Variants in ZBTB7C observed in about 807,000 individuals in gnomAD.
ZBTB7C encodes zinc finger and BTB domain-containing protein 7C.
ZBTB7C carries 8 observed loss-of-function variants against 25.7 expected under a neutral mutation model. The observed-to-expected ratio is 0.31, with a 90% CI of 0.18 to 0.56. ZBTB7C has a LOEUF of 0.56. Among genes scored for constraint, ZBTB7C ranks in the 20% least tolerant of loss-of-function variants. ZBTB7C has a pLI of 0.91. For missense variants in ZBTB7C, 824 were observed against 855.2 expected, an observed-to-expected ratio of 0.96 and a Z score of 0.46; for synonymous variants, 394 against 369.0, an observed-to-expected ratio of 1.07 and a Z score of -0.78.
At chr18:48,361,019 G>C (rs2047093211) in intron 1 of ZBTB7C, among the ~76,000 whole-genome samples, 1 of 152,096 alleles carries the variant, frequency 6.6e-6, no homozygotes, top group African/African-American at 2.4e-5. Context: ...CCAGTGGAGG[G>C]AGATGGAATT....
intron 3 of ZBTB7C, among the ~76,000 whole-genome samples, chr18:48,065,183 G>C (rs955833738): frequency 6.8e-6 from 1 of 147,702 alleles, no homozygotes; most frequent in African/African-American, 2.5e-5. Context: ...GCTGGACCCC[G>C]CTGCCAGGAC....
rs1236613496 is a variant in ZBTB7C, at chr18:48,389,734, T to A, written c.-304+19492A>T. On this transcript the variant is annotated intron_variant, in intron 1 of 4. Coordinates refer to ENST00000590800, the MANE Select transcript of ZBTB7C (RefSeq NM_001318841.2). ...TCCCTGATAAAAACAAAGAACTGGA[T>A]CAACACTGGAAAGGAGAACGCTCAG... Among the ~76,000 whole-genome samples the A allele has an allele frequency of 2.0e-5, 3 of 152,012 alleles. No homozygotes were observed. In the East Asian group the frequency reaches 5.8e-4, roughly 29 times the overall value.
intron 2 of ZBTB7C, among the ~76,000 whole-genome samples, chr18:48,289,662 A>C: frequency 6.6e-6 from 1 of 152,110 alleles, no homozygotes; most frequent in African/African-American, 2.4e-5. Flanking sequence ...CTGGGGATAC[A>C]ACAGGGGTCA....
In ZBTB7C at chr18:48,268,960, T is replaced by TTC. The variant is rs1386919014; in HGVS notation, c.-79+69213_-79+69214insGA. Among the ~76,000 whole-genome samples the TTC allele has an allele frequency of 5.7e-3, 799 of 139,794 alleles. 9 individuals carry two copies. The highest frequency in any genetic ancestry group is 0.022 in the African/African-American group (766 of 35,240). 91.7% of individuals were successfully genotyped at this position (139,794 alleles called of 152,430 possible). A position where few individuals can be genotyped will look rare whatever the true frequency, so the allele number is the denominator to read the frequency against. On this transcript the variant is annotated intron_variant, in intron 2 of 4. Transcript: ENST00000590800. ...TCTAGTAAGGGCTTGCTCTGTTTCTTTTTTTTTTTTTTTTTTTTGAGACAG... is the reference window on the plus strand; with the variant it reads ...TCTAGTAAGGGCTTGCTCTGTTTCTTTCTTTTTTTTTTTTTTTTTTGAGACAG...
intron 1 of ZBTB7C, among the ~76,000 whole-genome samples, chr18:48,399,016 G>T (rs550646839): frequency 6.6e-6 from 1 of 152,272 alleles, no homozygotes; most frequent in South Asian, 2.1e-4. Context: ...GCAAAAGACT[G>T]GAAACAACTG....
rs540002131 is a variant in ZBTB7C, at chr18:48,137,141, T to C, written c.-17+48793A>G. 2.3e-4 allele frequency: 225 copies of C among 985,446 alleles called. 1 individual carries two copies. In the African/African-American group the frequency reaches 3.8e-3, roughly 17 times the overall value. The allele number at this position is 985,446 out of a possible 1,614,324, so 61.0% of individuals were successfully genotyped here. On this transcript the variant is annotated intron_variant, in intron 3 of 4. Transcript: ENST00000590800. ...CCGGCGGGAGGTTGTCATTGATTCGTGCTGGGCGAGTTAAGCCATTCCAGG... is the reference window on the plus strand; with the variant it reads ...CCGGCGGGAGGTTGTCATTGATTCGCGCTGGGCGAGTTAAGCCATTCCAGG...
chr18:48,035,875 C>T (rs2035949132), intron 4 of ZBTB7C, among the ~76,000 whole-genome samples: 1 of 152,238 alleles, frequency 6.6e-6, no homozygotes, highest in Non-Finnish European at 1.5e-5. Flanking sequence ...GTCCAGACTG[C>T]CTCTGCCCTA....
At chr18:48,410,335 C>G (rs548090934), upstream of ZBTB7C, among the ~76,000 whole-genome samples, 7 of 152,312 alleles carry the variant, frequency 4.6e-5, no homozygotes, top group African/African-American at 1.7e-4. Context: ...ACCCCACACG[C>G]CGGGGAGCAG....
intron 3 of ZBTB7C, chr18:48,077,062 C>CAAAAA (rs10539603): frequency 4.7e-5 from 19 of 401,904 alleles, no homozygotes; most frequent in African/African-American, 2.9e-4. Flanking sequence ...TTGTTATATG[C>CAAAAA]AAAAAAAAAA....
chr18:48,242,161 C>T (rs965853185), intron 2 of ZBTB7C, among the ~76,000 whole-genome samples: 3 of 152,096 alleles, frequency 2.0e-5, no homozygotes, highest in South Asian at 2.1e-4. Flanking sequence ...GAAATAGAAA[C>T]TCTGAACAGA....
At chr18:48,294,186 G>C (rs542498108) in intron 2 of ZBTB7C, among the ~76,000 whole-genome samples, 73 of 152,332 alleles carry the variant, frequency 4.8e-4, no homozygotes, top group Non-Finnish European at 7.8e-4. Flanking sequence ...ATCAGCAGGT[G>C]CGTGTGCACA....
At chr18:48,409,787 TTTCTC>T (rs1451124101), upstream of ZBTB7C, among the ~76,000 whole-genome samples, 1 of 151,826 alleles carries the variant, frequency 6.6e-6, no homozygotes, top group African/African-American at 2.4e-5. Context: ...CTCCGCGTCT[TTTCTC>T]TTTCTTTCCT....
At chr18:48,236,657 CAA>C (rs1356297438) in intron 2 of ZBTB7C, among the ~76,000 whole-genome samples, 1 of 152,158 alleles carries the variant, frequency 6.6e-6, no homozygotes, top group Admixed American at 6.5e-5. Context: ...AAGTAAAAGA[CAA>C]GTCTAATAAG....
chr18:48,326,468 C>T (rs1017488054), intron 2 of ZBTB7C, among the ~76,000 whole-genome samples: 2 of 152,118 alleles, frequency 1.3e-5, no homozygotes, highest in Admixed American at 6.6e-5. Flanking sequence ...CAAAATAGTT[C>T]AGACTGACAT....
intron 2 of ZBTB7C, among the ~76,000 whole-genome samples, chr18:48,188,878 A>C (rs996350164): frequency 6.6e-6 from 1 of 152,118 alleles, no homozygotes; most frequent in African/African-American, 2.4e-5. Flanking sequence ...TCCACATCAA[A>C]GTCCACCTCC....
chr18:48,347,120 GTTTGTTT>G (rs2046751703), intron 1 of ZBTB7C, among the ~76,000 whole-genome samples: 1 of 106,436 alleles, frequency 9.4e-6, no homozygotes, highest in African/African-American at 3.7e-5. Flanking sequence ...CCCAGTTTTT[GTTTGTTT>G]TTTTTTTTTT....
chr18:48,116,219 G>A (rs1299399192), intron 3 of ZBTB7C, among the ~76,000 whole-genome samples: 4 of 152,042 alleles, frequency 2.6e-5, no homozygotes, highest in African/African-American at 7.3e-5. Flanking sequence ...GGCGAGGCTC[G>A]AGCCCAGACG....
In ZBTB7C at chr18:48,319,146, T is replaced by C. The variant is rs114331019; in HGVS notation, c.-79+19028A>G. On this transcript the variant is annotated intron_variant, in intron 2 of 4. Coordinates refer to ENST00000590800, the MANE Select transcript of ZBTB7C (RefSeq NM_001318841.2). ...TGTGTGTGTGTGTGTGTGTGTAACC[T>C]TGATTTGTAACCAAATCAGTGGGGC... 5.3e-3 allele frequency among the ~76,000 whole-genome samples: 410 copies of C among 76,850 alleles called. 4 individuals carry two copies. The highest frequency in any genetic ancestry group is 0.016 in the African/African-American group (392 of 24,442). 50.4% of individuals were successfully genotyped at this position (76,850 alleles called of 152,430 possible).
chr18:48,389,623 T>A (rs1307349155), intron 1 of ZBTB7C, among the ~76,000 whole-genome samples: 1 of 152,044 alleles, frequency 6.6e-6, no homozygotes, highest in Non-Finnish European at 1.5e-5. Flanking sequence ...AGCCTCACCC[T>A]CCATCCAGGC....
Sources: allele counts gnomAD v4.1 joint callset (sites outside exome capture counted in the v4.1 genomes callset), GRCh38; gene constraint gnomAD v4.1.1; transcripts MANE v1.5; gene names NCBI Gene and HGNC (gene_info 2026-07-23, HGNC 2026-07-21).